CCDC171: variants seen among roughly 807,000 people sequenced by gnomAD.
CCDC171 encodes the protein coiled-coil domain containing 171, also known as coiled-coil domain-containing protein 171.
A neutral mutation model predicts 168.2 loss-of-function variants in CCDC171; 177 were observed. The ratio of observed to expected loss-of-function variants is 1.05; its 90% CI spans 0.93 to 1.19. CCDC171 has a LOEUF of 1.19. Among genes scored for constraint, CCDC171 ranks in the 50% most tolerant of loss-of-function variants. CCDC171 has a pLI of 0.00. For missense variants in CCDC171, 1,991 were observed against 1,539.0 expected (o/e 1.29, Z -4.91); for synonymous variants, 687 against 540.8 (o/e 1.27, Z -3.75).
At chr9:15,989,583 C>G (rs1356471983) in intron 3 of CCDC171, among the ~76,000 whole-genome samples, 2 of 152,082 alleles carry the variant, frequency 1.3e-5, no homozygotes, top group Admixed American at 1.3e-4. Context: ...TGGAGAATGA[C>G]TTTGACGAGT....
chr9:16,049,800 A>G (rs1181613377), intron 1 of CCDC171, among the ~76,000 whole-genome samples: 1 of 152,184 alleles, frequency 6.6e-6, no homozygotes, highest in Admixed American at 6.5e-5. Flanking sequence ...ATAGATCTAT[A>G]TCAATATCCT....
At chr9:15,774,814 T>C (rs528162500) in intron 18 of CCDC171, among the ~76,000 whole-genome samples, 1 of 152,352 alleles carries the variant, frequency 6.6e-6, no homozygotes. Context: ...GCAACCTGGA[T>C]TGAATTGGAG....
At chr9:15,808,446 G>A (rs1373764503) in intron 21 of CCDC171, among the ~76,000 whole-genome samples, 2 of 152,194 alleles carry the variant, frequency 1.3e-5, no homozygotes, top group Admixed American at 1.3e-4. Flanking sequence ...GTCCAAACAA[G>A]AGTACTTTTG....
At chr9:15,880,860 C>G (rs1478699952) in intron 24 of CCDC171, among the ~76,000 whole-genome samples, 2 of 152,064 alleles carry the variant, frequency 1.3e-5, no homozygotes, top group Non-Finnish European at 2.9e-5. Context: ...TGGAATGTCA[C>G]CTTCTTCAAA....
chr9:15,863,039 A>G (rs2061625172), intron 23 of CCDC171, among the ~76,000 whole-genome samples: 1 of 137,374 alleles, frequency 7.3e-6, no homozygotes, highest in African/African-American at 3.0e-5. Flanking sequence ...CCAAACCACC[A>G]CCCTTTTTCT....
At chr9:15,899,905 T>C (rs888749507) in intron 24 of CCDC171, among the ~76,000 whole-genome samples, 3 of 152,184 alleles carry the variant, frequency 2.0e-5, no homozygotes, top group African/African-American at 7.2e-5. Context: ...ACACTTTTGA[T>C]TTTGTGTCTA....
intron 11 of CCDC171, among the ~76,000 whole-genome samples, chr9:15,695,935 A>G (rs894893838): frequency 6.6e-6 from 1 of 152,222 alleles, no homozygotes; most frequent in Non-Finnish European, 1.5e-5. Flanking sequence ...GAGAACTAGC[A>G]AAAGCAATGG....
intron 21 of CCDC171, among the ~76,000 whole-genome samples, chr9:15,829,344 G>A (rs887427933): frequency 4.6e-5 from 7 of 152,098 alleles, no homozygotes; most frequent in African/African-American, 1.7e-4. Context: ...ATAACTTGAG[G>A]GAAGATGATG....
intron 10 of CCDC171, among the ~76,000 whole-genome samples, chr9:15,688,702 C>G (rs777499782): frequency 4.6e-5 from 7 of 152,096 alleles, no homozygotes; most frequent in African/African-American, 1.7e-4. Flanking sequence ...AAGCTTCCTC[C>G]TCAACCTCAA....
At chr9:15,595,182 T>C (rs1016769628) in intron 6 of CCDC171, among the ~76,000 whole-genome samples, 1 of 152,096 alleles carries the variant, frequency 6.6e-6, no homozygotes, top group African/African-American at 2.4e-5. Flanking sequence ...AGTTTTAGGG[T>C]ACATGTGCAC....
chr9:15,934,852 T>C (rs1312448999), intron 25 of CCDC171, among the ~76,000 whole-genome samples: 2 of 152,056 alleles, frequency 1.3e-5, no homozygotes, highest in Non-Finnish European at 2.9e-5. Flanking sequence ...TGATACGTGT[T>C]ACAACATGGA....
intron 6 of CCDC171, among the ~76,000 whole-genome samples, chr9:16,023,750 C>G (rs1833220557): frequency 6.6e-6 from 1 of 151,966 alleles, no homozygotes; most frequent in Admixed American, 6.5e-5. Flanking sequence ...TTGATCATCT[C>G]AAGATCAGTA....
chr9:15,665,993 T>C (rs562760569), intron 8 of CCDC171, among the ~76,000 whole-genome samples, 170 bp from the exon 9 acceptor site: 3 of 152,300 alleles, frequency 2.0e-5, no homozygotes, highest in South Asian at 4.1e-4. Flanking sequence ...TTAAACATAT[T>C]GAGAAAGGGA....
At chr9:16,105,711 T>A in the CCDC171 span, among the ~76,000 whole-genome samples, 1 of 152,200 alleles carries the variant, frequency 6.6e-6, no homozygotes, top group Non-Finnish European at 1.5e-5. Flanking sequence ...AAAACACCAC[T>A]GTTTGGGTTT....
At chr9:16,082,722 TGTG>T in the CCDC171 span, among the ~76,000 whole-genome samples, 56 of 152,344 alleles carry the variant, frequency 3.7e-4, 1 homozygote, top group South Asian at 0.011. Context: ...TCTTAAGAGA[TGTG>T]GTAACATAGA....
intron 21 of CCDC171, among the ~76,000 whole-genome samples, chr9:15,838,647 G>T (rs1588774162): frequency 6.6e-6 from 1 of 152,210 alleles, no homozygotes; most frequent in South Asian, 2.1e-4. Flanking sequence ...GCCCAGGCTG[G>T]TCTTGAACTC....
intron 25 of CCDC171, among the ~76,000 whole-genome samples, chr9:15,935,133 A>G (rs1460324211): frequency 2.0e-5 from 3 of 152,110 alleles, no homozygotes; most frequent in Non-Finnish European, 4.4e-5. Flanking sequence ...ATTGAATTGT[A>G]CACTTTAAAA....
intron 6 of CCDC171, among the ~76,000 whole-genome samples, chr9:16,023,231 G>A (rs1833209913): frequency 6.6e-6 from 1 of 151,896 alleles, no homozygotes; most frequent in African/African-American, 2.4e-5. Context: ...GTTCTAACAG[G>A]TCCCCACATA....
chr9:15,957,108 C>G (rs1829875724), intron 25 of CCDC171, among the ~76,000 whole-genome samples: 1 of 150,332 alleles, frequency 6.7e-6, no homozygotes, highest in Non-Finnish European at 1.5e-5. Flanking sequence ...TATGGAATGA[C>G]TAAACTGTAG....
Sources: gnomAD v4.1 joint callset for allele counts (sites outside exome capture counted in the v4.1 genomes callset) on GRCh38, gnomAD v4.1.1 for gene constraint, MANE v1.5 for transcripts, NCBI Gene and HGNC (gene_info 2026-07-23, HGNC 2026-07-21) for gene names.